PCP4: variants seen among roughly 807,000 people sequenced by gnomAD.
PCP4 encodes the protein calmodulin regulator protein PCP4.
In PCP4, 8 loss-of-function variants were observed where a neutral mutation model predicts 10.0. That is an observed-to-expected ratio of 0.80 (90% CI 0.47 to 1.45). The LOEUF is 1.45. PCP4 is among the 40% of genes most tolerant of loss of function. The pLI, the probability that PCP4 is intolerant of heterozygous loss-of-function variation, is 0.00. For synonymous variants in PCP4, 21 were observed against 23.0 expected (o/e 0.91, Z 0.24); for missense variants, 54 against 74.4 (o/e 0.73, Z 1.01).
intron 2 of PCP4, among the ~76,000 whole-genome samples, chr21:39,903,879 A>C (rs1484803265): frequency 7.0e-6 from 1 of 142,298 alleles, no homozygotes; most frequent in Non-Finnish European, 1.5e-5. Flanking sequence ...AAAAAAACAA[A>C]AAAAAAAAAA....
chr21:39,928,838 G>A lies in PCP4; in HGVS notation c.62-146G>A, dbSNP rs1419262993. 118 of 669,132 alleles carry A rather than the reference G, an allele frequency of 1.8e-4. 1 individual carries two copies. In the East Asian group the frequency reaches 3.1e-3, roughly 18 times the overall value. The allele number at this position is 669,132 out of a possible 1,614,324, so 41.4% of individuals were successfully genotyped here. ...AAAACACTCCACTGGATTTTACTTT[G>A]CAGATGAGCTCTTGTCCTGGGGTGT... On this transcript the variant is annotated intron_variant, in intron 2 of 2. Transcript: ENST00000328619.
chr21:39,898,324 C>G, intron 1 of PCP4, 152 bp from the exon 2 acceptor site: 2 of 748,700 alleles, frequency 2.7e-6, no homozygotes, highest in Non-Finnish European at 4.8e-6. Flanking sequence ...GGATCCATTC[C>G]TACTCTCACT....
chr21:39,868,826 G>A (rs1309072719), intron 1 of PCP4, among the ~76,000 whole-genome samples: 1 of 152,162 alleles, frequency 6.6e-6, no homozygotes, highest in Non-Finnish European at 1.5e-5. Context: ...TTGACTGCCG[G>A]GTGAATCTTG....
chr21:39,915,832 T>A (rs2087566156), intron 2 of PCP4, among the ~76,000 whole-genome samples: 1 of 152,208 alleles, frequency 6.6e-6, no homozygotes, highest in Admixed American at 6.5e-5. Flanking sequence ...GGCTGGAAAC[T>A]GTTTTCTGGA....
At position 39,904,005 on chromosome 21, in the gene PCP4, A is replaced by G. The variant is rs531791517; in HGVS notation, c.61+5478A>G. Among the ~76,000 whole-genome samples, 5 of 152,246 alleles carry G rather than the reference A, an allele frequency of 3.3e-5. 1 individual carries two copies. Among genetic ancestry groups the G allele is most frequent in the African/African-American group, 9.6e-5 (4 of 41,556 alleles). On this transcript the variant is annotated intron_variant, in intron 2 of 2. Transcript: ENST00000328619. ...TGTTTTAAATCAATCCCAAACCATA[A>G]AAGTTTAAGTTTATCTCACCTTTGG...
chr21:39,918,725 G>A (rs759776879), intron 2 of PCP4, among the ~76,000 whole-genome samples: 47 of 152,192 alleles, frequency 3.1e-4, no homozygotes, highest in African/African-American at 9.6e-4. Context: ...GCAATTCTCC[G>A]CACCAGCAGC....
chr21:39,902,224 A>T (rs893421340), intron 2 of PCP4, among the ~76,000 whole-genome samples: 2 of 152,246 alleles, frequency 1.3e-5, no homozygotes, highest in African/African-American at 4.8e-5. Flanking sequence ...AAATTTGGAT[A>T]GTAACACTTC....
intron 2 of PCP4, among the ~76,000 whole-genome samples, chr21:39,901,183 G>A (rs994928312): frequency 6.6e-6 from 1 of 152,102 alleles, no homozygotes; most frequent in Non-Finnish European, 1.5e-5. Flanking sequence ...GAGAGTATGA[G>A]ATTTAAAAGA....
chr21:39,870,480 G>A (rs189353031), intron 1 of PCP4, among the ~76,000 whole-genome samples: 62 of 152,256 alleles, frequency 4.1e-4, no homozygotes, highest in African/African-American at 1.4e-3. Flanking sequence ...TTTACAAGGT[G>A]CATTCTTTCT....
chr21:39,896,079 A>G (rs1025515493), intron 1 of PCP4, among the ~76,000 whole-genome samples: 1 of 152,190 alleles, frequency 6.6e-6, no homozygotes, highest in Non-Finnish European at 1.5e-5. Context: ...AAATCCCGAA[A>G]AAATGACTGC....
At chr21:39,875,099 A>G (rs2087338611) in intron 1 of PCP4, among the ~76,000 whole-genome samples, 1 of 152,234 alleles carries the variant, frequency 6.6e-6, no homozygotes, top group African/African-American at 2.4e-5. Context: ...AGTGAAACCA[A>G]GGAAGGTTAA....
chr21:39,882,284 G>A (rs1322912516), intron 1 of PCP4, among the ~76,000 whole-genome samples: 3 of 152,330 alleles, frequency 2.0e-5, no homozygotes, highest in Admixed American at 1.3e-4. Flanking sequence ...TGGCTCAACC[G>A]TGGCAGAGCC....
At chr21:39,874,419 G>C (rs534783616) in intron 1 of PCP4, among the ~76,000 whole-genome samples, 9 of 152,324 alleles carry the variant, frequency 5.9e-5, no homozygotes, top group Admixed American at 5.9e-4. Flanking sequence ...ATCCAAGTCT[G>C]TGGTATAGTG....
intron 1 of PCP4, among the ~76,000 whole-genome samples, chr21:39,892,586 A>G (rs901169840): frequency 6.6e-6 from 1 of 152,096 alleles, no homozygotes; most frequent in Non-Finnish European, 1.5e-5. Flanking sequence ...TTTTGTGGGT[A>G]CATAGTAGGT....
At chr21:39,890,536 A>C (rs12106361) in intron 1 of PCP4, among the ~76,000 whole-genome samples, 1 of 144,538 alleles carries the variant, frequency 6.9e-6, no homozygotes, top group East Asian at 2.0e-4. Flanking sequence ...TTTTTTTTTT[A>C]ATTTTCATTT....
intron 2 of PCP4, among the ~76,000 whole-genome samples, chr21:39,909,023 G>A (rs1871538387): frequency 6.6e-6 from 1 of 152,154 alleles, no homozygotes; most frequent in African/African-American, 2.4e-5. Context: ...GACACAACCA[G>A]GGGAATTGCT....
At chr21:39,868,422 C>G (rs1354632496) in intron 1 of PCP4, among the ~76,000 whole-genome samples, 2 of 152,168 alleles carry the variant, frequency 1.3e-5, no homozygotes, top group Non-Finnish European at 2.9e-5. Flanking sequence ...CTCCTCCCTG[C>G]TTTTATCTCT....
intron 1 of PCP4, among the ~76,000 whole-genome samples, chr21:39,890,269 G>A (rs956188489): frequency 2.0e-5 from 3 of 152,212 alleles, no homozygotes; most frequent in African/African-American, 7.2e-5. Flanking sequence ...AGTGACTAGA[G>A]TTGGATTGAG....
chr21:39,929,206 A>G lies in PCP4; in HGVS notation c.*95A>G, dbSNP rs1456837027. On this transcript the variant is annotated 3_prime_UTR_variant, in exon 3 of 3. Transcript: ENST00000328619. ...ACAACACCCTAGAGAGAAGTCATCC[A>G]CACACAATCCACACACGCATAGCAA... is the stretch of plus-strand genomic sequence containing the variant. The G allele has an allele frequency of 2.4e-6, 3 of 1,269,050 alleles. No individual in the cohort carries two copies. The highest frequency in any genetic ancestry group is 2.4e-5 in the East Asian group (1 of 42,326). 78.6% of individuals were successfully genotyped at this position (1,269,050 alleles called of 1,614,324 possible). A position where few individuals can be genotyped will look rare whatever the true frequency, so the allele number is the denominator to read the frequency against.
Sources: allele counts gnomAD v4.1 joint callset (sites outside exome capture counted in the v4.1 genomes callset), GRCh38; gene constraint gnomAD v4.1.1; transcripts MANE v1.5; gene names NCBI Gene and HGNC (gene_info 2026-07-23, HGNC 2026-07-21).